Variants in TBC1D4 observed in about 807,000 individuals in gnomAD.
TBC1D4 encodes the protein TBC (Tre-2, BUB2, CDC16) domain-containing protein.
Under a neutral mutation model 142.5 loss-of-function variants are expected in TBC1D4, and 121 were observed. The observed-to-expected ratio is 0.85, with a 90% CI of 0.73 to 0.99. The LOEUF is 0.99. Among genes scored for constraint, TBC1D4 ranks in the 50% least tolerant of loss-of-function variants. The pLI is 0.00. For synonymous variants in TBC1D4, 630 were observed against 628.2 expected, an observed-to-expected ratio of 1.00 and a Z score of -0.04; for missense variants, 1,475 against 1,606.6, an observed-to-expected ratio of 0.92 and a Z score of 1.40.
At chr13:75,348,360 A>G (rs1881321365) in intron 5 of TBC1D4, among the ~76,000 whole-genome samples, 2 of 152,186 alleles carry the variant, frequency 1.3e-5, no homozygotes, top group Non-Finnish European at 2.9e-5. Flanking sequence ...ATCATAATGA[A>G]TTACATTTAA....
intron 4 of TBC1D4, among the ~76,000 whole-genome samples, chr13:75,349,809 G>A (rs1443233480): frequency 2.0e-5 from 3 of 152,152 alleles, no homozygotes; most frequent in Non-Finnish European, 2.9e-5. Context: ...TTTAAACAAT[G>A]GTGGGGAAAG....
intron 1 of TBC1D4, among the ~76,000 whole-genome samples, chr13:75,386,871 T>C (rs1170488028): frequency 2.0e-5 from 3 of 151,990 alleles, no homozygotes; most frequent in Non-Finnish European, 2.9e-5. Context: ...TTTTGTGATC[T>C]CCTTTTTGTG....
chr13:75,336,382 C>A (rs907883319), intron 8 of TBC1D4, among the ~76,000 whole-genome samples: 1 of 141,836 alleles, frequency 7.1e-6, no homozygotes, highest in African/African-American at 2.6e-5. Context: ...GGTGACAGAG[C>A]AAGACTTCGT....
chr13:75,304,151 A>G (rs1456366826), intron 15 of TBC1D4, among the ~76,000 whole-genome samples: 2 of 152,232 alleles, frequency 1.3e-5, no homozygotes, highest in Non-Finnish European at 2.9e-5. Flanking sequence ...CTGCTTATAC[A>G]TTTGTTGAAT....
At chr13:75,418,198 A>G (rs1007645309) in intron 1 of TBC1D4, among the ~76,000 whole-genome samples, 11 of 152,322 alleles carry the variant, frequency 7.2e-5, no homozygotes, top group African/African-American at 2.6e-4. Context: ...AAAATTTTTT[A>G]ACTCAGCCAG....
chr13:75,431,524 C>T (rs1358708188), intron 1 of TBC1D4, among the ~76,000 whole-genome samples: 1 of 152,114 alleles, frequency 6.6e-6, no homozygotes, highest in Non-Finnish European at 1.5e-5. Context: ...CTACTTGGTG[C>T]CTGGGAACTT....
intron 1 of TBC1D4, among the ~76,000 whole-genome samples, chr13:75,443,674 A>G (rs1887148248): frequency 6.6e-6 from 1 of 152,222 alleles, no homozygotes; most frequent in Non-Finnish European, 1.5e-5. Flanking sequence ...GGCTTTTTCC[A>G]GTCAACTTCG....
At chr13:75,312,638 C>T (rs1049218086) in intron 13 of TBC1D4, 100 bp downstream of exon 13, 2 of 1,467,936 alleles carry the variant, frequency 1.4e-6, no homozygotes, top group East Asian at 4.6e-5. Context: ...GATATTTCTA[C>T]ACTGTAATCA....
At chr13:75,397,370 A>T (rs533531220) in intron 1 of TBC1D4, among the ~76,000 whole-genome samples, 2 of 152,222 alleles carry the variant, frequency 1.3e-5, no homozygotes, top group Non-Finnish European at 2.9e-5. Flanking sequence ...CAAAAAATAA[A>T]GGGCAGATAC....
At chr13:75,336,242 C>T (rs1295658092) in intron 8 of TBC1D4, among the ~76,000 whole-genome samples, 1 of 151,668 alleles carries the variant, frequency 6.6e-6, no homozygotes, top group African/African-American at 2.4e-5. Flanking sequence ...ACCAAAAATA[C>T]AAAAATTAGC....
At chr13:75,345,180 C>A (rs1024987804) in intron 5 of TBC1D4, among the ~76,000 whole-genome samples, 4 of 152,168 alleles carry the variant, frequency 2.6e-5, no homozygotes. Flanking sequence ...TACCCCACTA[C>A]GGGTCTCAGT....
At position 75,363,618 on chromosome 13, in the gene TBC1D4, A is replaced by ATTGT. The variant is rs1463083606; in HGVS notation, c.499-1012_499-1011insACAA. On this transcript the variant is annotated intron_variant, in intron 1 of 20. Coordinates refer to ENST00000377636, the MANE Select transcript of TBC1D4 (RefSeq NM_014832.5). ...TCCAAGGTACTTCTTACATATATTG[A>ATTGT]CTGATGTCTCATGTCTGCCTGAAGT... Among the ~76,000 whole-genome samples the ATTGT allele has an allele frequency of 5.8e-3, 890 of 152,280 alleles. 11 individuals are homozygous for ATTGT. The highest frequency in any genetic ancestry group is 0.019 in the African/African-American group (810 of 41,560).
At position 75,285,980 on chromosome 13, in the gene TBC1D4, CTAAAT is replaced by C. The variant is rs1422759058; in HGVS notation, c.*807_*811del. The C allele has an allele frequency of 6.6e-6, 1 of 152,548 alleles. No homozygotes were observed. The highest frequency in any genetic ancestry group is 2.4e-5 in the African/African-American group (1 of 41,438). 9.4% of individuals were successfully genotyped at this position (152,548 alleles called of 1,614,324 possible). A position where few individuals can be genotyped will look rare whatever the true frequency, so the allele number is the denominator to read the frequency against. ...AAAGCTAATCTAGACATTTTAGGTC[CTAAAT>C]TAAATTTTTCAGGTGTGATATTTTT... is the stretch of plus-strand genomic sequence containing the variant. On this transcript the variant is annotated 3_prime_UTR_variant, in exon 21 of 21. Transcript: ENST00000377636.
intron 1 of TBC1D4, among the ~76,000 whole-genome samples, chr13:75,464,808 T>G (rs1253545105): frequency 6.6e-6 from 1 of 152,242 alleles, no homozygotes; most frequent in East Asian, 1.9e-4. Flanking sequence ...TGTAGCCTAC[T>G]GGCTGAGAGA....
chr13:75,347,840 T>C (rs947068848), intron 5 of TBC1D4, among the ~76,000 whole-genome samples: 1 of 152,212 alleles, frequency 6.6e-6, no homozygotes, highest in South Asian at 2.1e-4. Context: ...GCCTATTACA[T>C]TGAAATAGTC....
intron 1 of TBC1D4, among the ~76,000 whole-genome samples, chr13:75,374,624 CAGTT>C (rs948636231): frequency 5.9e-5 from 9 of 152,316 alleles, no homozygotes; most frequent in Non-Finnish European, 1.3e-4. Flanking sequence ...TGGTTCCTAA[CAGTT>C]AGCCTGTATA....
chr13:75,481,825 C>T lies in TBC1D4; in HGVS notation c.-58G>A, dbSNP rs1364569502. 4.6e-5 allele frequency: 66 copies of T among 1,427,444 alleles called. No individual in the cohort carries two copies. The highest frequency in any genetic ancestry group is 6.0e-5 in the Non-Finnish European group (66 of 1,100,248). 88.4% of individuals were successfully genotyped at this position (1,427,444 alleles called of 1,614,324 possible). The stretch of plus-strand genomic sequence containing the variant: ...GGCCGGGCGCACCGCGCCCCCCACT[C>T]CCGCGCAGAAGGCGCCGCCGAAACT... On this transcript the variant is annotated 5_prime_UTR_variant, in exon 1 of 21. Coordinates refer to ENST00000377636, the MANE Select transcript of TBC1D4 (RefSeq NM_014832.5).
intron 8 of TBC1D4, among the ~76,000 whole-genome samples, chr13:75,332,175 C>T (rs530628695): frequency 5.3e-5 from 8 of 152,216 alleles, no homozygotes; most frequent in African/African-American, 1.9e-4. Context: ...AAAGGAACAC[C>T]CTAAATACCC....
intron 19 of TBC1D4, among the ~76,000 whole-genome samples, 171 bp from the exon 20 acceptor site, chr13:75,289,281 T>C (rs984566844): frequency 1.3e-5 from 2 of 152,272 alleles, no homozygotes; most frequent in Non-Finnish European, 2.9e-5. Context: ...AAATTAGATA[T>C]AGTTTACACT....
Sources: gnomAD v4.1 joint callset for allele counts (sites outside exome capture counted in the v4.1 genomes callset) on GRCh38, gnomAD v4.1.1 for gene constraint, MANE v1.5 for transcripts, NCBI Gene and HGNC (gene_info 2026-07-23, HGNC 2026-07-21) for gene names.